Variants in TIMP2 observed in about 807,000 individuals in gnomAD.
TIMP2 encodes the protein metalloproteinase inhibitor 2.
TIMP2 carries 5 observed loss-of-function variants against 24.3 expected under a neutral mutation model. The observed-to-expected ratio is 0.21, with a 90% CI of 0.11 to 0.43. TIMP2 has a LOEUF of 0.43. Ranked by LOEUF, TIMP2 falls within the 20% of genes least tolerant of loss-of-function variation. TIMP2 has a pLI of 1.00. For missense variants in TIMP2, 221 were observed against 297.5 expected (o/e 0.74, Z 1.89); for synonymous variants, 130 against 123.2 (o/e 1.06, Z -0.37).
At chr17:78,878,443 C>T (rs554291986) in intron 1 of TIMP2, among the ~76,000 whole-genome samples, 1 of 152,266 alleles carries the variant, frequency 6.6e-6, no homozygotes, top group Admixed American at 6.5e-5. Flanking sequence ...ATCGCATAGA[C>T]AAGCAGGGCG....
At chr17:78,888,295 G>T (rs941666228) in intron 1 of TIMP2, among the ~76,000 whole-genome samples, 18 of 151,808 alleles carry the variant, frequency 1.2e-4, no homozygotes, top group Admixed American at 1.2e-3. Context: ...GAGTAGCTGG[G>T]ATTACAGATG....
intron 1 of TIMP2, among the ~76,000 whole-genome samples, chr17:78,911,894 C>CAAAA (rs60505603): frequency 0.02 from 2,266 of 111,962 alleles, 71 homozygotes; most frequent in African/African-American, 0.068. Context: ...AAAAACACAC[C>CAAAA]AAAAAAAAAA....
intron 1 of TIMP2, among the ~76,000 whole-genome samples, chr17:78,916,596 G>C (rs1263285481): frequency 6.6e-6 from 1 of 152,122 alleles, no homozygotes; most frequent in Non-Finnish European, 1.5e-5. Flanking sequence ...CATCTCCTGG[G>C]TCTTCCCCAG....
At chr17:78,873,306 T>G (rs117023899) in intron 2 of TIMP2, among the ~76,000 whole-genome samples, 1 of 131,428 alleles carries the variant, frequency 7.6e-6, no homozygotes, top group African/African-American at 3.1e-5. Flanking sequence ...GCCACATATT[T>G]TTTTTTTTTT....
At chr17:78,866,607 AT>A (rs1320204499) in intron 3 of TIMP2, among the ~76,000 whole-genome samples, 2 of 151,366 alleles carry the variant, frequency 1.3e-5, no homozygotes, top group African/African-American at 4.9e-5. Context: ...TCATTGCAGT[AT>A]TTGTCACAAT....
chr17:78,894,711 A>T (rs1424071977), intron 1 of TIMP2, among the ~76,000 whole-genome samples: 1 of 152,198 alleles, frequency 6.6e-6, no homozygotes, highest in Non-Finnish European at 1.5e-5. Context: ...AAGAAAACGT[A>T]GGTGTATATT....
intron 1 of TIMP2, among the ~76,000 whole-genome samples, chr17:78,923,129 T>C (rs1901536631): frequency 6.6e-6 from 1 of 151,974 alleles, no homozygotes; most frequent in Non-Finnish European, 1.5e-5. Flanking sequence ...TGAGCCGGGA[T>C]GGGGTGAAAA....
intron 1 of TIMP2, among the ~76,000 whole-genome samples, chr17:78,885,990 G>GT (rs1456960080): frequency 1.3e-5 from 2 of 152,180 alleles, no homozygotes; most frequent in East Asian, 3.9e-4. Context: ...TGACATCTCC[G>GT]TAAGAATCAC....
intron 1 of TIMP2, among the ~76,000 whole-genome samples, chr17:78,878,761 G>A (rs181691306): frequency 3.3e-5 from 5 of 152,288 alleles, no homozygotes; most frequent in East Asian, 3.9e-4. Flanking sequence ...TGAGGGGCCT[G>A]GAGGAGCAGA....
At chr17:78,923,928 G>C (rs1225764486) in intron 1 of TIMP2, among the ~76,000 whole-genome samples, 1 of 152,156 alleles carries the variant, frequency 6.6e-6, no homozygotes, top group Non-Finnish European at 1.5e-5. Context: ...ATCTGCCCTG[G>C]ACAGGTCACT....
rs11654082 is a variant in TIMP2 at position 78,923,011 on chromosome 17, C to T, written c.130+1948G>A. ...TCTGGCCTCCTGAGCTACAGAGAAT[C>T]GATTCCTGTTCTTTTAAGCCCTCCC... On this transcript the variant is annotated intron_variant, in intron 1 of 4. Coordinates refer to ENST00000262768, the MANE Select transcript of TIMP2 (RefSeq NM_003255.5). Among the ~76,000 whole-genome samples the T allele has an allele frequency of 4.2e-3, 637 of 152,200 alleles. 3 individuals are homozygous for T. The highest frequency in any genetic ancestry group is 7.3e-3 in the Admixed American group (112 of 15,270).
chr17:78,857,619 T>A lies in TIMP2; in HGVS notation c.368A>T (p.His123Leu). 6.2e-7 allele frequency: 1 copy of A among 1,614,168 alleles called. No individual in the cohort carries two copies. The highest frequency in any genetic ancestry group is 8.5e-7 in the Non-Finnish European group (1 of 1,180,020). Residue 123 changes from histidine to leucine, a missense_variant, in exon 4 of 5, where the codon CAC becomes CTC. Coordinates refer to ENST00000262768, the MANE Select transcript of TIMP2 (RefSeq NM_003255.5). The stretch of plus-strand genomic sequence containing the variant: ...CACGATGAAGTCACAGAGGGTGATG[T>A]GCATCTTGCCGTCCCCCTCGGCCTT... The part of the protein sequence containing the change: ...AGKAEGDGKM[H>L]ITLCDFIVPW...
In TIMP2 at chr17:78,870,959, G is replaced by C. The variant is rs769586651; in HGVS notation, c.279C>G (p.Pro93=). Residue 93 remains proline, a synonymous_variant, in exon 3 of 5, where the codon CCC becomes CCG. Transcript: ENST00000262768. ...EKDIEFIYTA[P]SSAVCGVSLD... is the part of the protein sequence containing the mutation. ...GCGAGACCCCACACACTGCCGAGGA[G>C]GGGGCCGTGTAGATAAACTCTATAT... 2 of 1,613,820 alleles carry C rather than the reference G, an allele frequency of 1.2e-6. No individual in the cohort carries two copies. The highest frequency in any genetic ancestry group is 4.5e-5 in the East Asian group (2 of 44,850).
intron 2 of TIMP2, among the ~76,000 whole-genome samples, chr17:78,871,442 A>G (rs1183192875): frequency 9.6e-6 from 1 of 104,008 alleles, no homozygotes; most frequent in African/African-American, 3.9e-5. Flanking sequence ...ACAGAGTAAG[A>G]CTCCGTCAAA....
chr17:78,907,380 C>A (rs967215295), intron 1 of TIMP2, among the ~76,000 whole-genome samples: 1 of 152,116 alleles, frequency 6.6e-6, no homozygotes, highest in Non-Finnish European at 1.5e-5. Context: ...ATTGTTGTGT[C>A]TCAGGAAAGA....
intron 1 of TIMP2, among the ~76,000 whole-genome samples, chr17:78,877,196 G>A (rs1438906168): frequency 1.3e-5 from 2 of 152,216 alleles, no homozygotes; most frequent in African/African-American, 4.8e-5. Context: ...TTACGACAAT[G>A]CTGCACCAAA....
At chr17:78,910,585 C>G (rs773946710) in intron 1 of TIMP2, among the ~76,000 whole-genome samples, 10 of 152,268 alleles carry the variant, frequency 6.6e-5, no homozygotes, top group East Asian at 1.9e-4. Flanking sequence ...AAATCTCTCC[C>G]TCTCTCCTCC....
Position 78,855,308 on chromosome 17 carries a change from G to A in TIMP2, c.*359C>T. 2.9e-6 allele frequency: 1 copy of A among 340,490 alleles called. No individual in the cohort carries two copies. Among genetic ancestry groups the A allele is most frequent in the South Asian group, 3.2e-5 (1 of 31,032 alleles). 21.1% of individuals were successfully genotyped at this position (340,490 alleles called of 1,614,324 possible). On this transcript the variant is annotated 3_prime_UTR_variant, in exon 5 of 5. Coordinates refer to ENST00000262768, the MANE Select transcript of TIMP2 (RefSeq NM_003255.5). The surrounding 1 kb of genome is among the most constrained non-coding windows in gnomAD (Gnocchi z 6.0). ...GTTTCTGCAAAATGCACATTTCCAG[G>A]CCCTGCCCTAACCCAGCTGGGAGAT... is the stretch of plus-strand genomic sequence containing the variant.
chr17:78,881,671 G>A (rs150715630), intron 1 of TIMP2, among the ~76,000 whole-genome samples: 26 of 152,216 alleles, frequency 1.7e-4, no homozygotes, highest in Non-Finnish European at 3.1e-4. Flanking sequence ...TTTCTCTCCC[G>A]GATGAAACCC....
Sources: allele counts gnomAD v4.1 joint callset (sites outside exome capture counted in the v4.1 genomes callset), GRCh38; gene constraint gnomAD v4.1.1; non-coding constraint Gnocchi (gnomAD v3.1); transcripts MANE v1.5; gene names NCBI Gene and HGNC (gene_info 2026-07-23, HGNC 2026-07-21).